Variants in PCK1 observed in about 807,000 individuals in gnomAD.
The protein encoded by PCK1 is phosphoenolpyruvate carboxykinase, cytosolic [GTP].
PCK1 carries 44 observed loss-of-function variants against 50.3 expected under a neutral mutation model. The ratio of observed to expected loss-of-function variants is 0.87; its 90% CI spans 0.69 to 1.12. PCK1 has a LOEUF of 1.12. PCK1 is among the 50% of genes most tolerant of loss of function. PCK1 has a pLI of 0.00. For synonymous variants in PCK1, 332 were observed against 314.3 expected, an observed-to-expected ratio of 1.06 and a Z score of -0.59; for missense variants, 790 against 815.0, an observed-to-expected ratio of 0.97 and a Z score of 0.37.
rs372741450 is a variant in PCK1, at chr20:57,565,351, C to T, written c.1416C>T (p.Gly472=). The T allele has an allele frequency of 2.9e-5, 46 of 1,612,740 alleles. 1 individual carries two copies. In the South Asian group the frequency reaches 5.1e-4, roughly 18 times the overall value. The change falls in exon 10 of 10, where the codon GGC becomes GGT. Residue 472 remains glycine, a splice_region_variant and synonymous_variant. Coordinates refer to ENST00000319441, the MANE Select transcript of PCK1 (RefSeq NM_002591.4). ...SEATAAAEHK[G]KIIMHDPFAM... The stretch of plus-strand genomic sequence containing the variant: ...ATGAACTCCCTCTCTGTTTAACAGG[C>T]AAAATCATCATGCATGACCCCTTTG...
chr20:57,564,563 C>T lies in PCK1; in HGVS notation c.1268C>T (p.Pro423Leu), dbSNP rs148603002. 1.2e-4 allele frequency: 193 copies of T among 1,613,032 alleles called. 3 individuals carry two copies. Among genetic ancestry groups the T allele is most frequent in the Middle Eastern group, 1.2e-3 (7 of 6,056 alleles). Residue 423 changes from proline to leucine, a missense_variant, in exon 8 of 10, where the codon CCG (proline) becomes CTG (leucine). By Grantham distance (98) the Pro-to-Leu change is moderately conservative. Transcript: ENST00000319441. ...CPIIDAAWES[P>L]EGVPIEGIIF... Reference sequence around the variant, plus strand: ...ATCATTGATGCTGCCTGGGAGTCTCCGGAAGGTGTTCCCATTGAAGGCATT... The same window carrying T: ...ATCATTGATGCTGCCTGGGAGTCTCTGGAAGGTGTTCCCATTGAAGGCATT...
rs759600409 is a variant in PCK1, at chr20:57,561,363, C to A, written c.-40-9C>A. 24 of 1,252,560 alleles carry A rather than the reference C, an allele frequency of 1.9e-5. No individual in the cohort carries two copies. In the Admixed American group the frequency reaches 3.9e-4, roughly 20 times the overall value. The allele number at this position is 1,252,560 out of a possible 1,614,324, so 77.6% of individuals were successfully genotyped here. A position where few individuals can be genotyped will look rare whatever the true frequency, so the allele number is the denominator to read the frequency against. On this transcript the variant is annotated splice_polypyrimidine_tract_variant and intron_variant, in intron 1 of 9. Transcript: ENST00000319441. ...TTTTTGTTCAGGACGCTTGCGTTTT[C>A]TATTTCAGGTGACCTCACATTCGTG...
chr20:57,564,269 C>T lies in PCK1; in HGVS notation c.1062C>T (p.Asn354=), dbSNP rs1379634143. ...ATGCCATCAAGACCATCCAGAAGAA[C>T]ACAATCTTTACCAATGTGGCCGAGA... ...NPNAIKTIQK[N]TIFTNVAETS... Residue 354 remains asparagine, a synonymous_variant, in exon 7 of 10, where the codon AAC becomes AAT. Transcript: ENST00000319441. 1.9e-6 allele frequency: 3 copies of T among 1,614,108 alleles called. No homozygotes were observed. Among genetic ancestry groups the T allele is most frequent in the Non-Finnish European group, 2.5e-6 (3 of 1,179,992 alleles).
In PCK1 at chr20:57,565,482, G is replaced by T. The variant is rs1278787584; in HGVS notation, c.1547G>T (p.Trp516Leu). 1 of 1,614,170 alleles carries T rather than the reference G, an allele frequency of 6.2e-7. No individual in the cohort carries two copies. The highest frequency in any genetic ancestry group is 2.2e-5 in the East Asian group (1 of 44,888). The change falls in exon 10 of 10, where the codon TGG becomes TTG. Residue 516 changes from tryptophan (W) to leucine (L), a missense_variant. Coordinates refer to ENST00000319441, the MANE Select transcript of PCK1 (RefSeq NM_002591.4). The stretch of plus-strand genomic sequence containing the variant: ...CTGCCCAAGATCTTCCATGTCAACT[G>T]GTTCCGGAAGGACAAGGAAGGCAAA... ...AKLPKIFHVN[W>L]FRKDKEGKFL...
At chr20:57,563,002 G>T in intron 4 of PCK1, 26 bp from the exon 5 acceptor site, 1 of 1,606,006 alleles carries the variant, frequency 6.2e-7, no homozygotes, top group South Asian at 1.1e-5. Context: ...CTGGCGCACT[G>T]ACTTGGGAGG....
rs1233595003 is a variant in PCK1, at chr20:57,565,721, C to T, written c.1786C>T (p.Leu596=). ...EKEVEDIEKY[L]EDQVNADLPC... is the part of the protein sequence containing the mutation. ...GGAGGTGGAAGACATCGAGAAGTAT[C>T]TGGAGGATCAAGTCAATGCCGACCT... is the stretch of plus-strand genomic sequence containing the variant. The change falls in exon 10 of 10, where the codon CTG becomes TTG. Residue 596 remains leucine (L), a synonymous_variant. Transcript: ENST00000319441. 6.2e-7 allele frequency: 1 copy of T among 1,613,808 alleles called. No homozygotes were observed. Among genetic ancestry groups the T allele is most frequent in the Admixed American group, 1.7e-5 (1 of 60,032 alleles).
In PCK1 at chr20:57,566,535, T is replaced by C. The variant is rs565779352; in HGVS notation, c.*731T>C. On this transcript the variant is annotated 3_prime_UTR_variant, in exon 10 of 10. Coordinates refer to ENST00000319441, the MANE Select transcript of PCK1 (RefSeq NM_002591.4). Reference sequence around the variant, plus strand: ...CTGATTAAATATCTTGTGATTTAAATCCTGCCCCCTCCCCAAGAAGGTGGG... The same window carrying C: ...CTGATTAAATATCTTGTGATTTAAACCCTGCCCCCTCCCCAAGAAGGTGGG... 2 of 152,160 alleles carry C rather than the reference T, an allele frequency of 1.3e-5. No homozygotes were observed. Among genetic ancestry groups the C allele is most frequent in the African/African-American group, 2.4e-5 (1 of 41,416 alleles). The allele number at this position is 152,160 out of a possible 1,614,324, so 9.4% of individuals were successfully genotyped here. A position where few individuals can be genotyped will look rare whatever the true frequency, so the allele number is the denominator to read the frequency against.
intron 5 of PCK1, 128 bp downstream of exon 5, chr20:57,563,343 C>A: frequency 1.2e-6 from 1 of 857,424 alleles, no homozygotes; most frequent in Non-Finnish European, 1.8e-6. Flanking sequence ...ATCGGGAAAC[C>A]CCACCAGTAA....
At position 57,566,230 on chromosome 20, in the gene PCK1, T is replaced by C. The variant is rs188704543; in HGVS notation, c.*426T>C. ...GTGCACATGTGTCTGTGTGGTATAT[T>C]TGTGTATGTGTATTTGTATGTACTG... On this transcript the variant is annotated 3_prime_UTR_variant, in exon 10 of 10. Coordinates refer to ENST00000319441, the MANE Select transcript of PCK1 (RefSeq NM_002591.4). 17 of 160,758 alleles carry C rather than the reference T, an allele frequency of 1.1e-4. No individual in the cohort carries two copies. Among genetic ancestry groups the C allele is most frequent in the South Asian group, 1.9e-4 (1 of 5,204 alleles). 10.0% of individuals were successfully genotyped at this position (160,758 alleles called of 1,614,324 possible).
At chr20:57,562,344 C>A in intron 3 of PCK1, 92 bp downstream of exon 3, 1 of 1,055,942 alleles carries the variant, frequency 9.5e-7, no homozygotes, top group Non-Finnish European at 1.4e-6. Context: ...ATAATGGAAG[C>A]TCCCACCACC....
In PCK1 at chr20:57,561,561, G is replaced by T. The variant is rs1238296849; in HGVS notation, c.150G>T (p.Glu50Asp). The T allele has an allele frequency of 6.2e-7, 1 of 1,614,000 alleles. No individual in the cohort carries two copies. The highest frequency in any genetic ancestry group is 2.2e-5 in the East Asian group (1 of 44,870). The change falls in exon 2 of 10, where the codon GAG becomes GAT. Residue 50 changes from glutamate (E) to aspartate (D), a missense_variant. Coordinates refer to ENST00000319441, the MANE Select transcript of PCK1 (RefSeq NM_002591.4). ...PDHIHICDGSEEENGRLLGQM... is the reference protein window; with the variant it reads ...PDHIHICDGSDEENGRLLGQM... ...ACATCCACATCTGTGACGGCTCTGA[G>T]GAGGAGAATGGGCGGCTTCTGGGCC...
Position 57,566,831 on chromosome 20 carries a change from G to A in PCK1, c.*1027G>A, listed in dbSNP as rs2070208991. On this transcript the variant is annotated 3_prime_UTR_variant, in exon 10 of 10. Coordinates refer to ENST00000319441, the MANE Select transcript of PCK1 (RefSeq NM_002591.4). ...AATTACATTGTGGACAGTTTCATAG[G>A]ATTTTGCCTTTTAACTCTTCAAAGC... The A allele has an allele frequency of 6.6e-6, 1 of 152,200 alleles. No homozygotes were observed. Among genetic ancestry groups the A allele is most frequent in the East Asian group, 1.9e-4 (1 of 5,206 alleles). 9.4% of individuals were successfully genotyped at this position (152,200 alleles called of 1,614,324 possible). A position where few individuals can be genotyped will look rare whatever the true frequency, so the allele number is the denominator to read the frequency against.
rs144845374 is a variant in PCK1 at position 57,564,334 on chromosome 20, C to T, written c.1127C>T (p.Pro376Leu). The change falls in exon 7 of 10, where the codon CCG (proline) becomes CTG (leucine). Residue 376 changes from proline to leucine, a missense_variant. Pro to Leu is a moderately conservative substitution (Grantham distance 98). Transcript: ENST00000319441. ...GTTTACTGGGAAGGCATTGATGAGC[C>T]GCTAGCTTCAGGTGTCACCATCACG... is the stretch of plus-strand genomic sequence containing the variant. ...GGVYWEGIDE[P>L]LASGVTITSW... is the part of the protein sequence containing the mutation. 3.2e-5 allele frequency: 51 copies of T among 1,613,962 alleles called. No homozygotes were observed. The Middle Eastern group carries it at 9.9e-4, about 31-fold the overall frequency.
At chr20:57,565,244 GAGAA>G (rs2070192215) in intron 9 of PCK1, 102 bp from the exon 10 acceptor site, 2 of 1,282,686 alleles carry the variant, frequency 1.6e-6, no homozygotes, top group South Asian at 1.2e-5. Flanking sequence ...GAGAGAGAGA[GAGAA>G]AGAGAGAGAG....
chr20:57,562,425 C>T (rs968015633), intron 3 of PCK1, 173 bp downstream of exon 3: 2 of 660,652 alleles, frequency 3.0e-6, no homozygotes, highest in Non-Finnish European at 5.1e-6. Context: ...TCTGCTTTTA[C>T]AGACTGTCTT....
rs763522687 is a variant in PCK1 at position 57,563,225 on chromosome 20, C to T, written c.798+10C>T. 5 of 1,612,132 alleles carry T rather than the reference C, an allele frequency of 3.1e-6. No homozygotes were observed. Among genetic ancestry groups the T allele is most frequent in the Non-Finnish European group, 4.2e-6 (5 of 1,179,412 alleles). ...GGCAGAGCACATGCTGGTGAGCCTGCAGGAAGCCCTGATGTGCAGATGAGA... is the reference window on the plus strand; with the variant it reads ...GGCAGAGCACATGCTGGTGAGCCTGTAGGAAGCCCTGATGTGCAGATGAGA... On this transcript the variant is annotated intron_variant, in intron 5 of 9. Transcript: ENST00000319441.
intron 4 of PCK1, 29 bp downstream of exon 4, chr20:57,562,928 C>T (rs746061238): frequency 3.1e-6 from 5 of 1,589,844 alleles, no homozygotes; most frequent in Admixed American, 3.4e-5. Flanking sequence ...AATCAAAAGT[C>T]AAAATAAAAA....
In PCK1 at chr20:57,563,799, A is replaced by G. The variant is rs1280795779; in HGVS notation, c.961+72A>G. The G allele has an allele frequency of 4.0e-6, 5 of 1,250,122 alleles. No homozygotes were observed. In the Admixed American group the frequency reaches 8.2e-5, roughly 20 times the overall value. 77.4% of individuals were successfully genotyped at this position (1,250,122 alleles called of 1,614,324 possible). ...ATCGTTGGCCTTCGAAACATGTCACATTCTCCTCAGTCCAGTGTTTGGATT... is the reference window on the plus strand; with the variant it reads ...ATCGTTGGCCTTCGAAACATGTCACGTTCTCCTCAGTCCAGTGTTTGGATT... On this transcript the variant is annotated intron_variant, in intron 6 of 9. Transcript: ENST00000319441.
chr20:57,564,704 G>A, intron 8 of PCK1, 91 bp downstream of exon 8: 2 of 1,223,294 alleles, frequency 1.6e-6, no homozygotes, highest in Non-Finnish European at 2.3e-6. Flanking sequence ...GACCTTGTCA[G>A]AGGGTGCCCA....
Sources: allele counts gnomAD v4.1 joint callset, GRCh38; gene constraint gnomAD v4.1.1; transcripts MANE v1.5; gene names NCBI Gene and HGNC (gene_info 2026-07-23, HGNC 2026-07-21).